AFDN: variants seen among roughly 807,000 people sequenced by gnomAD.
AFDN encodes the protein afadin, adherens junction formation factor.
Under a neutral mutation model 216.6 loss-of-function variants are expected in AFDN, and 68 were observed. The observed-to-expected ratio is 0.31, with a 90% CI of 0.26 to 0.38. The LOEUF is 0.38. Ranked by LOEUF, AFDN falls within the 10% of genes least tolerant of loss-of-function variation. The pLI is 1.00. For missense variants in AFDN, 2,136 were observed against 2,342.0 expected (o/e 0.91, Z 1.82); for synonymous variants, 868 against 853.7 (o/e 1.02, Z -0.29).
intron 1 of AFDN, among the ~76,000 whole-genome samples, chr6:167,851,255 C>G (rs1209251471): frequency 6.6e-6 from 1 of 152,146 alleles, no homozygotes; most frequent in Non-Finnish European, 1.5e-5. Flanking sequence ...CACATAAACA[C>G]AAACACACAC....
At position 167,963,727 on chromosome 6, in the gene AFDN, G is replaced by A. The variant is rs553828749; in HGVS notation, c.4968+1160G>A. 1.8e-5 allele frequency: 19 copies of A among 1,061,654 alleles called. No individual in the cohort carries two copies. The South Asian group carries it at 6.4e-4, about 36-fold the overall frequency. The allele number at this position is 1,061,654 out of a possible 1,614,324, so 65.8% of individuals were successfully genotyped here. On this transcript the variant is annotated intron_variant, in intron 31 of 33. Transcript: ENST00000683244. ...ACAGCATTTGAAGTCCTCTCAAAGA[G>A]TTTGAGCTTTCAGGATTAGGTTCCC...
At chr6:167,934,733 G>A (rs1268516685) in intron 23 of AFDN, among the ~76,000 whole-genome samples, 3 of 151,902 alleles carry the variant, frequency 2.0e-5, no homozygotes, top group Non-Finnish European at 2.9e-5. Flanking sequence ...TTTTAATGAT[G>A]TCTTTATGCT....
chr6:167,943,404 T>A lies in AFDN; in HGVS notation c.3168T>A (p.Asp1056Glu). Residue 1056 changes from aspartate (D) to glutamate (E), a missense_variant and splice_region_variant, in exon 25 of 34, where the codon GAT (aspartate) becomes GAA (glutamate). Asp to Glu is a conservative substitution (Grantham distance 45). This residue lies in a region of AFDN where 74 missense variants were observed against 98.8 expected (regional missense o/e 0.75). Transcript: ENST00000683244. ...CACACACCTGTGGATTTGCCTAGGATGGACGTCTAGCTGCAGGTGATCAGC... is the reference window on the plus strand; with the variant it reads ...CACACACCTGTGGATTTGCCTAGGAAGGACGTCTAGCTGCAGGTGATCAGC... ...SVVKGGAADVDGRLAAGDQLL... is the reference protein window; with the variant it reads ...SVVKGGAADVEGRLAAGDQLL... 1 of 1,614,138 alleles carries A rather than the reference T, an allele frequency of 6.2e-7. No homozygotes were observed. Among genetic ancestry groups the A allele is most frequent in the Non-Finnish European group, 8.5e-7 (1 of 1,179,946 alleles).
intron 1 of AFDN, among the ~76,000 whole-genome samples, chr6:167,836,268 C>G (rs1373865350): frequency 6.6e-6 from 1 of 152,188 alleles, no homozygotes; most frequent in Non-Finnish European, 1.5e-5. Context: ...GTATTCAGCA[C>G]AATGTGGAGT....
chr6:167,897,642 CTTTT>C (rs57383020), intron 10 of AFDN, among the ~76,000 whole-genome samples: 3 of 89,750 alleles, frequency 3.3e-5, no homozygotes, highest in East Asian at 6.7e-4. Flanking sequence ...GACTGTATGC[CTTTT>C]TTTTTTTTTT....
chr6:167,857,384 G>C (rs147175922), intron 1 of AFDN, among the ~76,000 whole-genome samples: 2,370 of 152,168 alleles, frequency 0.016, 65 homozygotes, highest in African/African-American at 0.053. Context: ...AAAATAATTA[G>C]ATGAAGTAGA....
chr6:167,885,164 T>G (rs372345961), intron 6 of AFDN, among the ~76,000 whole-genome samples: 4 of 152,208 alleles, frequency 2.6e-5, no homozygotes, highest in African/African-American at 9.6e-5. Flanking sequence ...GGCTGTAATA[T>G]TGTGGCTGAT....
chr6:167,891,422 T>TGG (rs1360937812), intron 8 of AFDN, among the ~76,000 whole-genome samples: 1 of 150,668 alleles, frequency 6.6e-6, no homozygotes, highest in Non-Finnish European at 1.5e-5. Flanking sequence ...TGTGTGTGTG[T>TGG]GTGTGTGTGT....
At chr6:167,828,172 A>G (rs1779416005) in intron 1 of AFDN, among the ~76,000 whole-genome samples, 1 of 152,242 alleles carries the variant, frequency 6.6e-6, no homozygotes. Context: ...CGTTTAGGAA[A>G]TCATTTTAAT....
chr6:167,956,331 T>C (rs1335582153), intron 30 of AFDN, among the ~76,000 whole-genome samples: 1 of 151,968 alleles, frequency 6.6e-6, no homozygotes, highest in East Asian at 1.9e-4. Flanking sequence ...ATTAGAGAAA[T>C]GAGGCAGGTC....
At chr6:167,903,215 A>G (rs1789211675) in intron 12 of AFDN, among the ~76,000 whole-genome samples, 1 of 152,176 alleles carries the variant, frequency 6.6e-6, no homozygotes, top group Non-Finnish European at 1.5e-5. Context: ...CAACCATTTT[A>G]TTTGTTTACC....
chr6:167,943,872 C>T, intron 25 of AFDN, 69 bp from the exon 26 acceptor site: 1 of 1,285,736 alleles, frequency 7.8e-7, no homozygotes, highest in South Asian at 1.2e-5. Context: ...TTGCTATAAT[C>T]ACAGCGATTC....
At chr6:167,918,598 C>A in intron 20 of AFDN, 137 bp from the exon 21 acceptor site, 1 of 805,058 alleles carries the variant, frequency 1.2e-6, no homozygotes, top group Non-Finnish European at 2.1e-6. Flanking sequence ...CTCCGTAACC[C>A]TGCGTCTGTC....
chr6:167,947,972 TCTA>T, intron 28 of AFDN, 28 bp downstream of exon 28: 1 of 1,521,590 alleles, frequency 6.6e-7, no homozygotes, highest in Non-Finnish European at 9.1e-7. Context: ...GCAAAAGGCT[TCTA>T]CTGCATTTCC....
At chr6:167,907,072 CT>C (rs1487231915) in intron 12 of AFDN, 98 bp from the exon 13 acceptor site, 14 of 842,478 alleles carry the variant, frequency 1.7e-5, no homozygotes, top group Admixed American at 4.2e-5. Flanking sequence ...GCCTGCCCTG[CT>C]TGGCAGCCCT....
intron 30 of AFDN, chr6:167,952,583 G>A (rs1796115381): frequency 1.2e-6 from 1 of 847,234 alleles, no homozygotes; most frequent in Non-Finnish European, 1.4e-6. Context: ...CAGGCCACGG[G>A]GTCTCTGGCA....
rs981563772 is a variant in AFDN at position 167,965,885 on chromosome 6, C to G, written c.5097C>G (p.Tyr1699Ter). 3.2e-6 allele frequency: 5 copies of G among 1,548,774 alleles called. No homozygotes were observed. The highest frequency in any genetic ancestry group is 2.4e-5 in the East Asian group (1 of 40,908). The stretch of plus-strand genomic sequence containing the variant: ...GCCGCCCTCCGCTTCCCCGGGACTA[C>G]GAGCCCCCGTCCCCGTCCCCCGCGC... The part of the protein sequence containing the change: ...GLCRPPLPRD[Y>*]EPPSPSPAPG... The change falls in exon 32 of 34, where the codon TAC becomes TAG. Residue 1699 changes from tyrosine to a stop codon, truncating the protein, a stop_gained. Coordinates refer to ENST00000683244, the MANE Select transcript of AFDN (RefSeq NM_001386888.1). LOFTEE classifies it high-confidence loss of function.
chr6:167,835,077 A>G (rs1157571005), intron 1 of AFDN, among the ~76,000 whole-genome samples: 1 of 152,228 alleles, frequency 6.6e-6, no homozygotes, highest in Admixed American at 6.5e-5. Context: ...TTAGGAAAAT[A>G]TTGATTCACT....
chr6:167,925,486 C>G (rs1792399857), intron 23 of AFDN, among the ~76,000 whole-genome samples: 1 of 152,184 alleles, frequency 6.6e-6, no homozygotes. Flanking sequence ...ACTCCTTTCT[C>G]AGACTCCAGT....
Sources: allele counts gnomAD v4.1 joint callset (sites outside exome capture counted in the v4.1 genomes callset), GRCh38; gene constraint gnomAD v4.1.1; regional missense constraint gnomAD v4.1.1; transcripts MANE v1.5; gene names NCBI Gene and HGNC (gene_info 2026-07-23, HGNC 2026-07-21).